BNC1: variants seen among roughly 807,000 people sequenced by gnomAD.
BNC1 encodes zinc finger protein basonuclin-1.
Under a neutral mutation model 66.5 loss-of-function variants are expected in BNC1, and 8 were observed. The ratio of observed to expected loss-of-function variants is 0.12; its 90% confidence interval spans 0.07 to 0.22. The LOEUF is 0.22. Among genes scored for constraint, BNC1 ranks in the 10% least tolerant of loss-of-function variants. The probability of loss-of-function intolerance (pLI) is 1.00; values close to 1 mark genes in which losing one functional copy is unlikely to be tolerated. For synonymous variants in BNC1, 454 were observed against 452.6 expected (o/e 1.00, Z -0.04); for missense variants, 1,069 against 1,241.3 (o/e 0.86, Z 2.09).
At chr15:83,270,312 A>T (rs976086628) in intron 1 of BNC1, among the ~76,000 whole-genome samples, 1 of 152,256 alleles carries the variant, frequency 6.6e-6, no homozygotes, top group African/African-American at 2.4e-5. Context: ...GAACATGTAC[A>T]ATAATATGGT....
chr15:83,283,391 C>G, intron 1 of BNC1: 3 of 1,326,962 alleles, frequency 2.3e-6, no homozygotes, highest in Non-Finnish European at 1.9e-6. Flanking sequence ...CCCGCAGCGG[C>G]CTCCTCCTTC....
intron 1 of BNC1, among the ~76,000 whole-genome samples, chr15:83,280,209 A>G (rs1391888220): frequency 1.3e-5 from 2 of 152,252 alleles, no homozygotes; most frequent in African/African-American, 4.8e-5. Context: ...AAAAAATTTA[A>G]GAACTGTACA....
intron 4 of BNC1, among the ~76,000 whole-genome samples, chr15:83,261,868 T>C (rs1346158589): frequency 6.6e-6 from 1 of 152,164 alleles, no homozygotes; most frequent in African/African-American, 2.4e-5. Context: ...TCCTTTCAAA[T>C]GTAGCTGGGT....
At chr15:83,278,860 T>C (rs2151440170) in intron 1 of BNC1, among the ~76,000 whole-genome samples, 1 of 152,300 alleles carries the variant, frequency 6.6e-6, no homozygotes, top group South Asian at 2.1e-4. Context: ...GTTTAAATGA[T>C]ACTACAAGGA....
At chr15:83,272,981 G>A (rs575203199) in intron 1 of BNC1, among the ~76,000 whole-genome samples, 5 of 151,746 alleles carry the variant, frequency 3.3e-5, no homozygotes, top group African/African-American at 7.3e-5. Flanking sequence ...AATGCCCTTG[G>A]GGGGGGGCCT....
chr15:83,257,278 C>T lies in BNC1; in HGVS notation c.*164G>A, dbSNP rs370946316. 3.1e-4 allele frequency: 240 copies of T among 783,462 alleles called. 2 individuals carry two copies. The South Asian group carries it at 4.2e-3, about 14-fold the overall frequency. The allele number at this position is 783,462 out of a possible 1,614,324, so 48.5% of individuals were successfully genotyped here. A position where few individuals can be genotyped will look rare whatever the true frequency, so the allele number is the denominator to read the frequency against. ...GGGCTGCCCCAGTGTCATCTTCCCACGAGGTTTGTCTTTTGCTCATTGTGC... is the reference window on the plus strand; with the variant it reads ...GGGCTGCCCCAGTGTCATCTTCCCATGAGGTTTGTCTTTTGCTCATTGTGC... On this transcript the variant is annotated 3_prime_UTR_variant, in exon 5 of 5. Transcript: ENST00000345382.
chr15:83,284,552 C>T lies in BNC1; in HGVS notation c.77G>A (p.Arg26His). 1 of 1,156,670 alleles carries T rather than the reference C, an allele frequency of 8.6e-7. No homozygotes were observed. The highest frequency in any genetic ancestry group is 2.3e-5 in the South Asian group (1 of 44,034). The allele number at this position is 1,156,670 out of a possible 1,614,324, so 71.7% of individuals were successfully genotyped here. A position where few individuals can be genotyped will look rare whatever the true frequency, so the allele number is the denominator to read the frequency against. ...ARETRRQPRHRSGRRMAEAIS... is the reference protein window; with the variant it reads ...ARETRRQPRHHSGRRMAEAIS... Reference sequence around the variant, plus strand: ...TACCTCGGCCATCCTGCGACCGCTGCGGTGCCGGGGCTGCCGGCGCGTCTC... The same window carrying T: ...TACCTCGGCCATCCTGCGACCGCTGTGGTGCCGGGGCTGCCGGCGCGTCTC... The change falls in exon 1 of 5, where the codon CGC becomes CAC. Residue 26 changes from arginine (R) to histidine (H), a missense_variant. By Grantham distance (29) the Arg-to-His change is conservative. This residue lies in a region of BNC1 where 78 missense variants were observed against 80.9 expected (regional missense o/e 0.96). Transcript: ENST00000345382.
chr15:83,272,394 C>CTTTTTTT (rs750429207), intron 1 of BNC1, among the ~76,000 whole-genome samples: 19,093 of 121,022 alleles, frequency 0.16, 1,600 homozygotes, highest in Non-Finnish European at 0.18. Flanking sequence ...CCACACCTGG[C>CTTTTTTT]TTTTTTTTTT....
At position 83,263,546 on chromosome 15, in the gene BNC1, G is replaced by C. The variant is rs746147245; in HGVS notation, c.1705C>G (p.Leu569Val). Residue 569 changes from leucine (L) to valine (V), a missense_variant, in exon 4 of 5, where the codon CTA becomes GTA. This residue lies in a region of BNC1 where 657 missense variants were observed against 715.8 expected (regional missense o/e 0.92). Coordinates refer to ENST00000345382, the MANE Select transcript of BNC1 (RefSeq NM_001717.4). ...HNLSSDEDMP[L>V]QVVSEDEQEA... The stretch of plus-strand genomic sequence containing the variant: ...TGCTCATCTTCACTGACCACCTGTA[G>C]GGGCATGTCTTCATCTGAGCTGAGG... 6.2e-7 allele frequency: 1 copy of C among 1,614,222 alleles called. No individual in the cohort carries two copies. Among genetic ancestry groups the C allele is most frequent in the East Asian group, 2.2e-5 (1 of 44,880 alleles).
intron 1 of BNC1, among the ~76,000 whole-genome samples, chr15:83,273,833 G>A (rs913671683): frequency 6.6e-6 from 1 of 152,186 alleles, no homozygotes; most frequent in Non-Finnish European, 1.5e-5. Context: ...GATCAGGCTA[G>A]GCACATAGTT....
intron 1 of BNC1, among the ~76,000 whole-genome samples, chr15:83,282,641 T>C (rs2038391062): frequency 6.6e-6 from 1 of 152,224 alleles, no homozygotes; most frequent in African/African-American, 2.4e-5. Flanking sequence ...TAACACGTAT[T>C]TGCAAACTCA....
rs1011835458 is a variant in BNC1 at position 83,263,425 on chromosome 15, C to G, written c.1826G>C (p.Cys609Ser). 5 of 1,614,120 alleles carry G rather than the reference C, an allele frequency of 3.1e-6. No individual in the cohort carries two copies. Among genetic ancestry groups the G allele is most frequent in the Admixed American group, 1.7e-5 (1 of 60,006 alleles). The change falls in exon 4 of 5, where the codon TGC (cysteine) becomes TCC (serine). Residue 609 changes from cysteine (C) to serine (S), a missense_variant. Coordinates refer to ENST00000345382, the MANE Select transcript of BNC1 (RefSeq NM_001717.4). ...GKPFPEGERP[C>S]HRESVIESSG... ...GGACTCAATTACTGATTCACGATGGCAGGGCCTCTCCCCTTCAGGGAAAGG... is the reference window on the plus strand; with the variant it reads ...GGACTCAATTACTGATTCACGATGGGAGGGCCTCTCCCCTTCAGGGAAAGG...
intron 4 of BNC1, among the ~76,000 whole-genome samples, chr15:83,258,509 C>A (rs1263634551): frequency 1.3e-5 from 2 of 152,188 alleles, no homozygotes; most frequent in Non-Finnish European, 2.9e-5. Flanking sequence ...ATGGTGCCCT[C>A]CCATGTGCCC....
chr15:83,275,916 T>C (rs1266590961), intron 1 of BNC1, among the ~76,000 whole-genome samples: 1 of 151,698 alleles, frequency 6.6e-6, no homozygotes, highest in Non-Finnish European at 1.5e-5. Flanking sequence ...GAATATAATC[T>C]CCCTGTTAAA....
At chr15:83,280,096 C>CT (rs1567196600) in intron 1 of BNC1, among the ~76,000 whole-genome samples, 1 of 152,068 alleles carries the variant, frequency 6.6e-6, no homozygotes, top group Non-Finnish European at 1.5e-5. Flanking sequence ...AATGTCTGTG[C>CT]TTTTTTTCTT....
At chr15:83,259,259 G>A (rs541431130) in intron 4 of BNC1, among the ~76,000 whole-genome samples, 4 of 152,242 alleles carry the variant, frequency 2.6e-5, no homozygotes, top group South Asian at 4.1e-4. Context: ...TCCTTACCAA[G>A]GGGGTTACAA....
intron 1 of BNC1, among the ~76,000 whole-genome samples, chr15:83,280,184 A>G (rs1292937539): frequency 6.6e-6 from 1 of 152,224 alleles, no homozygotes; most frequent in East Asian, 1.9e-4. Flanking sequence ...AGCCAAGCCA[A>G]ATATTTCTTC....
Position 83,267,036 on chromosome 15 carries a change from T to C in BNC1, c.235A>G (p.Thr79Ala). The C allele has an allele frequency of 1.2e-6, 2 of 1,614,100 alleles. No homozygotes were observed. The highest frequency in any genetic ancestry group is 2.2e-5 in the East Asian group (1 of 44,880). Residue 79 changes from threonine to alanine, a missense_variant, in exon 3 of 5, where the codon ACA becomes GCA. Physicochemically the swap from Thr to Ala is moderately conservative, Grantham distance 58. Around this residue, in one of 7 missense-constraint regions of BNC1, gnomAD observed 30 missense variants for 20.2 expected, o/e 1.49. Transcript: ENST00000345382. ...GACTGGACAATCTCCACCTGGCTTG[T>C]TGGATACATGGGGGGGATCCTTAGC... ...SKLRIPPMYPTSQVEIVQSNV... is the reference protein window; with the variant it reads ...SKLRIPPMYPASQVEIVQSNV...
chr15:83,267,018 C>T lies in BNC1; in HGVS notation c.253G>A (p.Val85Ile), dbSNP rs1302198223. 6.2e-7 allele frequency: 1 copy of T among 1,614,096 alleles called. No individual in the cohort carries two copies. The highest frequency in any genetic ancestry group is 1.1e-5 in the South Asian group (1 of 91,072). Residue 85 changes from valine (V) to isoleucine (I), a missense_variant, in exon 3 of 5, where the codon GTC becomes ATC. Transcript: ENST00000345382. ...ATATCAAACACTACATTGGACTGGA[C>T]AATCTCCACCTGGCTTGTTGGATAC... ...PMYPTSQVEI[V>I]QSNVVFDISS...
Sources: gnomAD v4.1 joint callset for allele counts (sites outside exome capture counted in the v4.1 genomes callset) on GRCh38, gnomAD v4.1.1 for gene constraint, gnomAD v4.1.1 regional missense constraint, MANE v1.5 for transcripts, NCBI Gene and HGNC (gene_info 2026-07-23, HGNC 2026-07-21) for gene names.